Variants in NELFCD observed in about 807,000 individuals in gnomAD.
The protein encoded by NELFCD is negative elongation factor complex member C/D.
Under a neutral mutation model 72.9 loss-of-function variants are expected in NELFCD, and 48 were observed. The observed-to-expected ratio is 0.66, with a 90% CI of 0.52 to 0.84. The LOEUF is 0.84. Among genes scored for constraint, NELFCD ranks in the 40% least tolerant of loss-of-function variants. NELFCD has a pLI of 0.00. For missense variants in NELFCD, 538 were observed against 723.8 expected (o/e 0.74, Z 2.94); for synonymous variants, 297 against 280.6 (o/e 1.06, Z -0.59).
intron 1 of NELFCD, among the ~76,000 whole-genome samples, chr20:58,983,000 C>T (rs1265318482): frequency 6.6e-6 from 1 of 152,026 alleles, no homozygotes; most frequent in Non-Finnish European, 1.5e-5. Context: ...GGAGAGGGGA[C>T]CCAAACCCAC....
At chr20:58,982,264 C>T (rs1340549845) in intron 1 of NELFCD, among the ~76,000 whole-genome samples, 1 of 148,250 alleles carries the variant, frequency 6.7e-6, no homozygotes, top group Non-Finnish European at 1.5e-5. Context: ...TCAAGCGATT[C>T]TCCTGCCTCA....
chr20:58,982,083 C>T lies in NELFCD; in HGVS notation c.60+714C>T, dbSNP rs367587662. ...CGCATGATTGAAATGTAGCTTCTCA[C>T]GTCCCTCCCCTGGAGACGGCCCAAC... On this transcript the variant is annotated intron_variant, in intron 1 of 14. Coordinates refer to ENST00000652272, the MANE Select transcript of NELFCD (RefSeq NM_198976.4). Among the ~76,000 whole-genome samples the T allele has an allele frequency of 4.7e-4, 71 of 150,864 alleles. No homozygotes were observed. The South Asian group carries it at 7.6e-3, about 16-fold the overall frequency.
chr20:58,991,936 A>G lies in NELFCD; in HGVS notation c.1145A>G (p.Glu382Gly), dbSNP rs1569059635. ...DELKSTSKAVETVHNLCCNEN... is the reference protein window; with the variant it reads ...DELKSTSKAVGTVHNLCCNEN... ...CTGAAGTCAACGTCAAAAGCTGTCG[A>G]AACCGTTCACAATTTGTGTTGCAAC... The change falls in exon 10 of 15, where the codon GAA (glutamate) becomes GGA (glycine). Residue 382 changes from glutamate (E) to glycine (G), a missense_variant. Coordinates refer to ENST00000652272, the MANE Select transcript of NELFCD (RefSeq NM_198976.4). 1 of 1,614,250 alleles carries G rather than the reference A, an allele frequency of 6.2e-7. No homozygotes were observed. Among genetic ancestry groups the G allele is most frequent in the Admixed American group, 1.7e-5 (1 of 60,028 alleles).
intron 5 of NELFCD, 147 bp downstream of exon 5, chr20:58,989,168 A>C (rs2091794733): frequency 3.1e-6 from 2 of 655,330 alleles, no homozygotes; most frequent in South Asian, 3.9e-5. Flanking sequence ...CTGAGAAAGA[A>C]AAGTGTAAAA....
In NELFCD at chr20:58,987,635, G is replaced by T; in HGVS notation, c.287-73G>T. On this transcript the variant is annotated intron_variant, in intron 3 of 14. Transcript: ENST00000652272. Reference sequence around the variant, plus strand: ...GTATTTGATTCACATAGAGACTTTTGACCATTTGCTTTCTAAAGCCACACA... The same window carrying T: ...GTATTTGATTCACATAGAGACTTTTTACCATTTGCTTTCTAAAGCCACACA... 4 of 1,220,272 alleles carry T rather than the reference G, an allele frequency of 3.3e-6. No homozygotes were observed. In the South Asian group the frequency reaches 5.1e-5, roughly 15 times the overall value. 75.6% of individuals were successfully genotyped at this position (1,220,272 alleles called of 1,614,324 possible).
At chr20:58,982,187 G>A (rs572013466) in intron 1 of NELFCD, among the ~76,000 whole-genome samples, 3 of 110,442 alleles carry the variant, frequency 2.7e-5, no homozygotes, top group South Asian at 5.8e-4. Context: ...GTGGAGTTTC[G>A]CTCTTGTTGC....
intron 5 of NELFCD, 104 bp downstream of exon 5, chr20:58,989,125 G>A: frequency 1.2e-6 from 1 of 810,076 alleles, no homozygotes; most frequent in Non-Finnish European, 2.0e-6. Context: ...TTTCCATAAA[G>A]GTCTTTATTG....
At chr20:58,981,597 G>A (rs2091733264) in intron 1 of NELFCD, among the ~76,000 whole-genome samples, 1 of 150,400 alleles carries the variant, frequency 6.6e-6, no homozygotes, top group Non-Finnish European at 1.5e-5. Flanking sequence ...TCGCCTGCAG[G>A]ACCTTGGGGT....
chr20:58,985,325 C>CCTTGT (rs1302568633), intron 1 of NELFCD, among the ~76,000 whole-genome samples: 1 of 152,168 alleles, frequency 6.6e-6, no homozygotes, highest in Non-Finnish European at 1.5e-5. Context: ...ATGGAAAAAG[C>CCTTGT]CTTGTCTTGT....
At chr20:58,987,590 TG>T in intron 3 of NELFCD, 117 bp from the exon 4 acceptor site, 1 of 767,388 alleles carries the variant, frequency 1.3e-6, no homozygotes, top group Non-Finnish European at 2.2e-6. Flanking sequence ...CATGTATAAG[TG>T]GTCAGAAGCA....
chr20:58,991,632 G>C, intron 9 of NELFCD, 186 bp downstream of exon 9: 1 of 759,534 alleles, frequency 1.3e-6, no homozygotes, highest in Non-Finnish European at 2.1e-6. Context: ...TGTCTCCAAT[G>C]CTCTGCAAAC....
intron 10 of NELFCD, among the ~76,000 whole-genome samples, chr20:58,992,639 G>A (rs2091825505): frequency 6.6e-6 from 1 of 152,150 alleles, no homozygotes; most frequent in Non-Finnish European, 1.5e-5. Flanking sequence ...CTCTGGCCTG[G>A]AATCCCAGCA....
At chr20:58,990,098 G>A in intron 7 of NELFCD, 110 bp downstream of exon 7, 1 of 1,444,990 alleles carries the variant, frequency 6.9e-7, no homozygotes, top group Non-Finnish European at 9.3e-7. Context: ...GTTCAACGTA[G>A]AGGTAAACTT....
At chr20:58,982,149 T>C (rs2091739153) in intron 1 of NELFCD, among the ~76,000 whole-genome samples, 3 of 86,980 alleles carry the variant, frequency 3.4e-5, no homozygotes, top group African/African-American at 1.7e-4. Context: ...CATTTTTTTT[T>C]TTTTTTTTTT....
chr20:58,993,873 G>A lies in NELFCD; in HGVS notation c.1581+109G>A, dbSNP rs1345831985. ...CTAACTGAGAACTGTGCTTTCTGAT[G>A]TAGTGATGACAATGACAGATACTCG... is the stretch of plus-strand genomic sequence containing the variant. On this transcript the variant is annotated intron_variant, in intron 13 of 14. Transcript: ENST00000652272. The surrounding 1 kb of genome is among the most constrained non-coding windows in gnomAD (Gnocchi z 5.0). 6.8e-6 allele frequency: 9 copies of A among 1,324,594 alleles called. No individual in the cohort carries two copies. The highest frequency in any genetic ancestry group is 8.4e-6 in the Non-Finnish European group (8 of 948,920). 82.1% of individuals were successfully genotyped at this position (1,324,594 alleles called of 1,614,324 possible). A position where few individuals can be genotyped will look rare whatever the true frequency, so the allele number is the denominator to read the frequency against.
Position 58,991,993 on chromosome 20 carries a change from A to T in NELFCD, c.1202A>T (p.Glu401Val), listed in dbSNP as rs1488928680. 1 of 1,614,248 alleles carries T rather than the reference A, an allele frequency of 6.2e-7. No individual in the cohort carries two copies. The part of the protein sequence containing the change: ...ENKGASELVA[E>V]LSTLYQCIRF... ...AAAGGGGCCTCTGAACTAGTGGCAG[A>T]ATTGAGCACACTTTATCAGTGTATT... The change falls in exon 10 of 15, where the codon GAA becomes GTA. Residue 401 changes from glutamate to valine, a missense_variant. By Grantham distance (121) the Glu-to-Val change is moderately radical (BLOSUM62 -2). This residue lies in a region of NELFCD where 355 missense variants were observed against 534.5 expected (regional missense o/e 0.66). Coordinates refer to ENST00000652272, the MANE Select transcript of NELFCD (RefSeq NM_198976.4).
At chr20:58,992,067 G>A in intron 10 of NELFCD, 47 bp downstream of exon 10, 1 of 1,530,588 alleles carries the variant, frequency 6.5e-7, no homozygotes, top group Non-Finnish European at 8.8e-7. Context: ...TTGGGGAGGA[G>A]GTCGTTTGAG....
chr20:58,987,919 TGAG>T, intron 4 of NELFCD, 102 bp downstream of exon 4: 1 of 829,378 alleles, frequency 1.2e-6, no homozygotes, highest in Admixed American at 2.1e-5. Context: ...ATGGCAGAGT[TGAG>T]GACTAAAATC....
chr20:58,982,736 C>G (rs1218888267), intron 1 of NELFCD, among the ~76,000 whole-genome samples: 1 of 152,128 alleles, frequency 6.6e-6, no homozygotes, highest in Non-Finnish European at 1.5e-5. Flanking sequence ...AATGGTATGG[C>G]TTGTTCAGGA....
Sources: gnomAD v4.1 joint callset for allele counts (sites outside exome capture counted in the v4.1 genomes callset) on GRCh38, gnomAD v4.1.1 for gene constraint, gnomAD v4.1.1 regional missense constraint, Gnocchi (gnomAD v3.1) non-coding constraint, MANE v1.5 for transcripts, NCBI Gene and HGNC (gene_info 2026-07-23, HGNC 2026-07-21) for gene names.